The following BABAM2 variants were observed in gnomAD, a reference collection of about 807,000 sequenced individuals.
BABAM2 encodes the protein BRISC and BRCA1 A complex member 2.
In BABAM2, 31 loss-of-function variants were observed where a neutral mutation model predicts 54.7. The observed-to-expected ratio is 0.57, with a 90% CI of 0.43 to 0.77. The LOEUF (loss-of-function observed/expected upper bound fraction) is 0.77. Among genes scored for constraint, BABAM2 ranks in the 30% least tolerant of loss-of-function variants. The pLI is 0.00. For synonymous variants in BABAM2, 167 were observed against 162.9 expected, an observed-to-expected ratio of 1.03 and a Z score of -0.19; for missense variants, 364 against 455.8, an observed-to-expected ratio of 0.80 and a Z score of 1.83.
chr2:28,259,236 C>T (rs533614409), intron 10 of BABAM2, among the ~76,000 whole-genome samples: 14 of 149,438 alleles, frequency 9.4e-5, no homozygotes, highest in Admixed American at 2.7e-4. Flanking sequence ...TACAGGCACA[C>T]GCCACCACAC....
chr2:27,961,801 C>T (rs1250632295), intron 3 of BABAM2, among the ~76,000 whole-genome samples: 1 of 145,946 alleles, frequency 6.9e-6, no homozygotes, highest in Non-Finnish European at 1.5e-5. Context: ...AATCATAGCT[C>T]ACCGTAACCT....
At chr2:28,291,212 T>C (rs531056760) in intron 10 of BABAM2, among the ~76,000 whole-genome samples, 1 of 152,342 alleles carries the variant, frequency 6.6e-6, no homozygotes, top group African/African-American at 2.4e-5. Flanking sequence ...CTCAAGGGCA[T>C]ACCATGCTGT....
In BABAM2 at chr2:27,891,412, C is replaced by A. The variant is rs1193722282; in HGVS notation, c.-25+570C>A. Among the ~76,000 whole-genome samples the A allele has an allele frequency of 2.6e-5, 4 of 152,102 alleles. No homozygotes were observed. The East Asian group carries it at 7.7e-4, about 29-fold the overall frequency. ...ATCCCCAGGCCTCTCATCAAAGGACCTTTTGTAACTTTATTTTGGGGTAGC... is the reference window on the plus strand; with the variant it reads ...ATCCCCAGGCCTCTCATCAAAGGACATTTTGTAACTTTATTTTGGGGTAGC... On this transcript the variant is annotated intron_variant, in intron 1 of 11. Transcript: ENST00000379624.
chr2:28,193,777 C>CT (rs1264280197), intron 7 of BABAM2, among the ~76,000 whole-genome samples: 1 of 152,228 alleles, frequency 6.6e-6, no homozygotes, highest in Non-Finnish European at 1.5e-5. Flanking sequence ...CTCTCTTCCT[C>CT]TTTTCCCTCC....
intron 5 of BABAM2, among the ~76,000 whole-genome samples, chr2:28,033,533 A>G (rs1012948944): frequency 9.2e-5 from 14 of 152,160 alleles, no homozygotes; most frequent in Non-Finnish European, 1.8e-4. Flanking sequence ...GCTTAGGTCA[A>G]TCTCTCTCTT....
intron 10 of BABAM2, among the ~76,000 whole-genome samples, chr2:28,255,227 G>C (rs530580078): frequency 2.9e-4 from 44 of 152,160 alleles, no homozygotes; most frequent in African/African-American, 9.6e-4. Context: ...CCTTTCTTTA[G>C]AAAATAGGAG....
intron 3 of BABAM2, among the ~76,000 whole-genome samples, chr2:27,984,901 A>T (rs909741982): frequency 1.3e-5 from 2 of 152,056 alleles, no homozygotes; most frequent in African/African-American, 4.8e-5. Context: ...ACGCCTTTGC[A>T]TCTTCAAAGC....
chr2:28,296,141 C>T (rs771413749), intron 10 of BABAM2, among the ~76,000 whole-genome samples: 25 of 151,874 alleles, frequency 1.6e-4, no homozygotes, highest in Non-Finnish European at 2.9e-4. Flanking sequence ...AAATATTAAT[C>T]AGAAGAAATG....
At chr2:28,145,054 A>G (rs116184858) in intron 7 of BABAM2, among the ~76,000 whole-genome samples, 2,013 of 152,324 alleles carry the variant, frequency 0.013, 43 homozygotes, top group African/African-American at 0.046. Flanking sequence ...TTCTGAATCT[A>G]AAGTTCTGGG....
chr2:28,218,399 C>T (rs1361172084), intron 7 of BABAM2, among the ~76,000 whole-genome samples: 1 of 152,210 alleles, frequency 6.6e-6, no homozygotes, highest in East Asian at 1.9e-4. Context: ...TTGTCTTTAG[C>T]TGTTATATCT....
chr2:27,989,554 A>T (rs940641799), intron 4 of BABAM2, among the ~76,000 whole-genome samples: 1 of 152,210 alleles, frequency 6.6e-6, no homozygotes, highest in African/African-American at 2.4e-5. Context: ...CAACAAGGTT[A>T]GAAAGGTAAA....
chr2:28,276,572 C>G (rs1442410162), intron 10 of BABAM2, among the ~76,000 whole-genome samples: 2 of 152,204 alleles, frequency 1.3e-5, no homozygotes, highest in African/African-American at 4.8e-5. Context: ...TGGTACACAT[C>G]ACAGTGCCCA....
intron 10 of BABAM2, among the ~76,000 whole-genome samples, chr2:28,294,114 C>T (rs897104585): frequency 6.6e-6 from 1 of 152,170 alleles, no homozygotes; most frequent in Non-Finnish European, 1.5e-5. Context: ...GGCATGGTGG[C>T]TCATGCCTGT....
At chr2:28,159,873 C>G (rs1245833723) in intron 7 of BABAM2, among the ~76,000 whole-genome samples, 1 of 150,714 alleles carries the variant, frequency 6.6e-6, no homozygotes, top group Admixed American at 6.6e-5. Context: ...AAAACTCCAT[C>G]CCCGCCGGGA....
chr2:28,138,573 T>C (rs1670745874), intron 7 of BABAM2, among the ~76,000 whole-genome samples: 1 of 152,242 alleles, frequency 6.6e-6, no homozygotes, highest in Non-Finnish European at 1.5e-5. Flanking sequence ...GTCTTCTATA[T>C]TGTCTCATGC....
chr2:28,264,687 T>C (rs1684826940), intron 10 of BABAM2, among the ~76,000 whole-genome samples: 1 of 152,152 alleles, frequency 6.6e-6, no homozygotes, highest in East Asian at 1.9e-4. Flanking sequence ...GATGAAAACA[T>C]GCTGAGTTGG....
At chr2:28,181,945 T>C (rs1220287551) in intron 7 of BABAM2, among the ~76,000 whole-genome samples, 3 of 151,934 alleles carry the variant, frequency 2.0e-5, no homozygotes, top group South Asian at 2.1e-4. Context: ...GAGTGAGCCA[T>C]GAGGATTTCT....
In BABAM2 at chr2:28,185,290, A is replaced by C. The variant is rs569886081; in HGVS notation, c.681-51912A>C. On this transcript the variant is annotated intron_variant, in intron 7 of 11. Coordinates refer to ENST00000379624, the MANE Select transcript of BABAM2 (RefSeq NM_199191.3). ...AGCCGTACACCTGAACTCCAGGTGGATGTTTGTGTTTGGGTCTGTTTCTAG... is the reference window on the plus strand; with the variant it reads ...AGCCGTACACCTGAACTCCAGGTGGCTGTTTGTGTTTGGGTCTGTTTCTAG... Among the ~76,000 whole-genome samples the C allele has an allele frequency of 2.6e-5, 4 of 152,150 alleles. No homozygotes were observed. In the East Asian group the frequency reaches 7.7e-4, roughly 29 times the overall value.
At chr2:27,935,799 G>C (rs1668443959) in intron 3 of BABAM2, among the ~76,000 whole-genome samples, 1 of 152,228 alleles carries the variant, frequency 6.6e-6, no homozygotes, top group South Asian at 2.1e-4. Context: ...AATCAGTCAG[G>C]AGCCATCAGC....
Sources: gnomAD v4.1 joint callset for allele counts (sites outside exome capture counted in the v4.1 genomes callset) on GRCh38, gnomAD v4.1.1 for gene constraint, MANE v1.5 for transcripts, NCBI Gene and HGNC (gene_info 2026-07-23, HGNC 2026-07-21) for gene names.